The following RBFOX1 variants were observed in gnomAD, a reference collection of about 807,000 sequenced individuals.
The protein encoded by RBFOX1 is RNA binding protein fox-1 homolog 1.
In RBFOX1, 8 loss-of-function variants were observed where a neutral mutation model predicts 57.7. That is an observed-to-expected ratio of 0.14 (90% CI 0.08 to 0.25). The LOEUF (loss-of-function observed/expected upper bound fraction) is 0.25, where lower values mean the gene tolerates loss of function less well. Ranked by LOEUF, RBFOX1 falls within the 10% of genes least tolerant of loss-of-function variation. RBFOX1 has a pLI of 1.00. For missense variants in RBFOX1, 611 were observed against 548.5 expected (o/e 1.11, Z -1.14); for synonymous variants, 326 against 222.4 (o/e 1.47, Z -4.15).
chr16:6,610,589 C>G (rs573746245), intron 2 of RBFOX1, among the ~76,000 whole-genome samples: 14 of 152,228 alleles, frequency 9.2e-5, no homozygotes, highest in South Asian at 4.1e-4. Context: ...CTTAGCCTCC[C>G]GAAATGCTGG....
At chr16:6,352,407 A>G (rs2086570052) in intron 2 of RBFOX1, among the ~76,000 whole-genome samples, 1 of 152,208 alleles carries the variant, frequency 6.6e-6, no homozygotes, top group Non-Finnish European at 1.5e-5. Context: ...ACAAATGACC[A>G]AAATTTAGTG....
rs1599679068 is a variant in RBFOX1, at chr16:7,485,937, G to T, written c.28-32210G>T. On this transcript the variant is annotated intron_variant, in intron 4 of 15. Coordinates refer to ENST00000550418, the MANE Select transcript of RBFOX1 (RefSeq NM_018723.4). Reference sequence around the variant, plus strand: ...ATTTATTTACATATTGTTCATGGTTGCTGTTTTGCTACAACTGTGAAGTTG... The same window carrying T: ...ATTTATTTACATATTGTTCATGGTTTCTGTTTTGCTACAACTGTGAAGTTG... 3.3e-5 allele frequency among the ~76,000 whole-genome samples: 5 copies of T among 152,204 alleles called. No individual in the cohort carries two copies. The South Asian group carries it at 1.0e-3, about 32-fold the overall frequency.
intron 2 of RBFOX1, among the ~76,000 whole-genome samples, chr16:5,595,905 GA>G (rs2047165037): frequency 6.6e-6 from 1 of 152,202 alleles, no homozygotes; most frequent in Non-Finnish European, 1.5e-5. Flanking sequence ...AGGGTATGGA[GA>G]GGTGTAAAAG....
chr16:7,257,457 G>A (rs1384595676), intron 4 of RBFOX1, among the ~76,000 whole-genome samples: 1 of 152,024 alleles, frequency 6.6e-6, no homozygotes, highest in African/African-American at 2.4e-5. Flanking sequence ...GCAGCCACTG[G>A]GAGCTGGACT....
chr16:6,847,792 C>G lies in RBFOX1; in HGVS notation c.-16+193142C>G, dbSNP rs912796530. Among the ~76,000 whole-genome samples, 5 of 152,122 alleles carry G rather than the reference C, an allele frequency of 3.3e-5. No individual in the cohort carries two copies. The South Asian group carries it at 6.2e-4, about 19-fold the overall frequency. ...GTGTGGCTTAGAAATTAAATAAAAT[C>G]TGGTAATTTTACTATGAAAAAAATT... On this transcript the variant is annotated intron_variant, in intron 3 of 15. Transcript: ENST00000550418.
chr16:6,188,794 T>A (rs2097123910), intron 1 of RBFOX1, among the ~76,000 whole-genome samples: 1 of 152,148 alleles, frequency 6.6e-6, no homozygotes, highest in Non-Finnish European at 1.5e-5. Context: ...TCCCAAACCT[T>A]CCTACCGCTG....
rs189508074 is a variant in RBFOX1 at position 6,462,356 on chromosome 16, C to T, written c.-64+145299C>T. Among the ~76,000 whole-genome samples the T allele has an allele frequency of 2.4e-3, 367 of 152,236 alleles. 1 individual carries two copies. Among genetic ancestry groups the T allele is most frequent in the African/African-American group, 8.4e-3 (349 of 41,526 alleles). The stretch of plus-strand genomic sequence containing the variant: ...CTTTTTAAAGGGTGGCCTCATCCTC[C>T]GCCTTTTATTCAGTAACTTGCCTTT... On this transcript the variant is annotated intron_variant, in intron 2 of 15. Coordinates refer to ENST00000550418, the MANE Select transcript of RBFOX1 (RefSeq NM_018723.4).
intron 1 of RBFOX1, among the ~76,000 whole-genome samples, chr16:5,360,708 G>T (rs540205367): frequency 6.6e-6 from 1 of 152,326 alleles, no homozygotes; most frequent in South Asian, 2.1e-4. Flanking sequence ...AACTGGCAGG[G>T]TTGAAGGAAA....
At chr16:7,683,746 G>T (rs1211030205) in intron 14 of RBFOX1, among the ~76,000 whole-genome samples, 1 of 152,104 alleles carries the variant, frequency 6.6e-6, no homozygotes, top group Non-Finnish European at 1.5e-5. Context: ...AGCTGTGAAG[G>T]GTTTAGAGGC....
At chr16:6,405,488 C>T (rs2093245752) in intron 2 of RBFOX1, among the ~76,000 whole-genome samples, 1 of 152,160 alleles carries the variant, frequency 6.6e-6, no homozygotes, top group Non-Finnish European at 1.5e-5. Context: ...CTTCCTTTGT[C>T]AGCATGATGG....
chr16:6,717,477 C>G (rs955599229), intron 3 of RBFOX1, among the ~76,000 whole-genome samples: 3 of 152,012 alleles, frequency 2.0e-5, no homozygotes, highest in Admixed American at 1.3e-4. Context: ...ACGTTAAACT[C>G]AAAAACTCCA....
At chr16:6,390,026 G>A (rs2092515604) in intron 2 of RBFOX1, among the ~76,000 whole-genome samples, 1 of 152,140 alleles carries the variant, frequency 6.6e-6, no homozygotes, top group Admixed American at 6.5e-5. Context: ...ATTGCTTTTG[G>A]TCAGGAGCTC....
At chr16:7,563,893 A>G (rs1371937402) in intron 5 of RBFOX1, among the ~76,000 whole-genome samples, 1 of 151,934 alleles carries the variant, frequency 6.6e-6, no homozygotes, top group African/African-American at 2.4e-5. Flanking sequence ...CCAACCTCCA[A>G]CCCTGCCCAC....
chr16:6,758,520 T>C (rs1181432703), intron 3 of RBFOX1, among the ~76,000 whole-genome samples: 3 of 152,084 alleles, frequency 2.0e-5, no homozygotes, highest in Non-Finnish European at 4.4e-5. Flanking sequence ...TAGAATACAT[T>C]AGAGCAATTT....
At chr16:5,593,849 A>G (rs184154500) in intron 2 of RBFOX1, among the ~76,000 whole-genome samples, 266 of 152,142 alleles carry the variant, frequency 1.7e-3, no homozygotes, top group African/African-American at 6.2e-3. Context: ...CTTGCGCGAG[A>G]TCCAAGAACC....
intron 4 of RBFOX1, among the ~76,000 whole-genome samples, chr16:7,123,404 G>C (rs961677074): frequency 6.6e-6 from 1 of 152,022 alleles, no homozygotes; most frequent in African/African-American, 2.4e-5. Flanking sequence ...TTCCTCTCTT[G>C]CCCAGGCTGG....
At chr16:6,163,432 G>A (rs1170046661) in intron 1 of RBFOX1, among the ~76,000 whole-genome samples, 1 of 152,334 alleles carries the variant, frequency 6.6e-6, no homozygotes, top group South Asian at 2.1e-4. Context: ...GTTCATTGTT[G>A]TTATAGCCCT....
chr16:5,314,217 C>G, intron 1 of RBFOX1, among the ~76,000 whole-genome samples: 1 of 152,200 alleles, frequency 6.6e-6, no homozygotes, highest in Non-Finnish European at 1.5e-5. Flanking sequence ...GAGTTGGAGT[C>G]TAAGCTTAGG....
At chr16:5,811,502 G>C (rs1188519741) in intron 3 of RBFOX1, among the ~76,000 whole-genome samples, 2 of 149,534 alleles carry the variant, frequency 1.3e-5, no homozygotes, top group East Asian at 2.0e-4. Context: ...CCAGGCTGGA[G>C]TGCAGTGGCA....
Sources: gnomAD v4.1 joint callset for allele counts (sites outside exome capture counted in the v4.1 genomes callset) on GRCh38, gnomAD v4.1.1 for gene constraint, MANE v1.5 for transcripts, NCBI Gene and HGNC (gene_info 2026-07-23, HGNC 2026-07-21) for gene names.